The following USP14 variants were observed in gnomAD, a reference collection of about 807,000 sequenced individuals.
The protein encoded by USP14 is ubiquitin specific peptidase 14.
A neutral mutation model predicts 76.5 loss-of-function variants in USP14; 38 were observed. The ratio of observed to expected loss-of-function variants is 0.50; its 90% CI spans 0.38 to 0.65. USP14 has a LOEUF of 0.65. Among genes scored for constraint, USP14 ranks in the 30% least tolerant of loss-of-function variants. The pLI is 0.00. For missense variants in USP14, 467 were observed against 586.5 expected (o/e 0.80, Z 2.10); for synonymous variants, 192 against 191.7 (o/e 1.00, Z -0.01).
At position 171,025 on chromosome 18, in the gene USP14, A is replaced by AAATAT. The variant is rs1327304974; in HGVS notation, c.195+4207_195+4208insATATA. The stretch of plus-strand genomic sequence containing the variant: ...CCTGGAACTTAAAAAAAAAAAAAAA[A>AAATAT]ATATATATATATATATATATATATA... On this transcript the variant is annotated intron_variant, in intron 3 of 15. Coordinates refer to ENST00000261601, the MANE Select transcript of USP14 (RefSeq NM_005151.4). 9.4e-4 allele frequency among the ~76,000 whole-genome samples: 45 copies of AAATAT among 47,634 alleles called. 1 individual carries two copies. The highest frequency in any genetic ancestry group is 2.8e-3 in the African/African-American group (32 of 11,476). The allele number at this position is 47,634 out of a possible 152,430, so 31.2% of individuals were successfully genotyped here. A position where few individuals can be genotyped will look rare whatever the true frequency, so the allele number is the denominator to read the frequency against.
intron 1 of USP14, among the ~76,000 whole-genome samples, chr18:159,518 A>C (rs1176318017): frequency 6.6e-6 from 1 of 152,176 alleles, no homozygotes; most frequent in Non-Finnish European, 1.5e-5. Flanking sequence ...AATTGGCTGT[A>C]GGTGTGTGAT....
At chr18:164,417 G>A (rs983244370) in intron 2 of USP14, among the ~76,000 whole-genome samples, 1 of 149,616 alleles carries the variant, frequency 6.7e-6, no homozygotes, top group Non-Finnish European at 1.5e-5. Flanking sequence ...TTTTTTTTTG[G>A]CCTTTATTGC....
At chr18:173,326 T>C (rs1909526322) in intron 3 of USP14, among the ~76,000 whole-genome samples, 1 of 151,916 alleles carries the variant, frequency 6.6e-6, no homozygotes, top group Non-Finnish European at 1.5e-5. Context: ...TTAGCCAGGA[T>C]GGTCTCTATC....
intron 13 of USP14, among the ~76,000 whole-genome samples, chr18:207,248 A>G (rs374497001): frequency 1.4e-5 from 2 of 145,058 alleles, no homozygotes. Flanking sequence ...ATTGTGAAGT[A>G]TCAGCCTTCA....
chr18:166,797 G>C lies in USP14; in HGVS notation c.173G>C (p.Trp58Ser), dbSNP rs1176491663. 6.2e-7 allele frequency: 1 copy of C among 1,611,924 alleles called. No individual in the cohort carries two copies. The highest frequency in any genetic ancestry group is 8.5e-7 in the Non-Finnish European group (1 of 1,178,612). ...TTGTCTTTGAAACAGGATGATGATT[G>C]GGGAAACATCAAAATAAAAAATGTA... The part of the protein sequence containing the change: ...VKGGTLKDDD[W>S]GNIKIKNGMT... Residue 58 changes from tryptophan to serine, a missense_variant, in exon 3 of 16, where the codon TGG (tryptophan) becomes TCG (serine). Physicochemically the swap from Trp to Ser is radical, Grantham distance 177. Coordinates refer to ENST00000261601, the MANE Select transcript of USP14 (RefSeq NM_005151.4).
intron 13 of USP14, among the ~76,000 whole-genome samples, chr18:208,632 C>T (rs1366636413): frequency 6.6e-6 from 1 of 152,014 alleles, no homozygotes; most frequent in Admixed American, 6.6e-5. Context: ...GAGACTTCCT[C>T]TTTGGCCATT....
intron 5 of USP14, among the ~76,000 whole-genome samples, chr18:189,470 A>G (rs1910026097): frequency 6.6e-6 from 1 of 151,264 alleles, no homozygotes. Context: ...CTTTTAGCTC[A>G]GTTTTGTTTG....
intron 8 of USP14, 70 bp from the exon 9 acceptor site, chr18:197,977 C>T: frequency 7.4e-7 from 1 of 1,351,034 alleles, no homozygotes; most frequent in Non-Finnish European, 1.0e-6. Context: ...TATTACTAAA[C>T]TGGATTGTGT....
At chr18:175,408 G>A (rs1909600193) in intron 3 of USP14, among the ~76,000 whole-genome samples, 1 of 152,126 alleles carries the variant, frequency 6.6e-6, no homozygotes, top group African/African-American at 2.4e-5. Context: ...TCATCATCAG[G>A]TTCAGGAACT....
rs1910709445 is a variant in USP14, at chr18:212,849, T to C, written c.*1565T>C. ...ATAAAGTTTGGGGATTATCATAACA[T>C]CTCATATCTTTGTGTATGTTGTTTT... On this transcript the variant is annotated 3_prime_UTR_variant, in exon 16 of 16. Coordinates refer to ENST00000261601, the MANE Select transcript of USP14 (RefSeq NM_005151.4). 6.6e-6 allele frequency: 1 copy of C among 152,210 alleles called. No homozygotes were observed. Among genetic ancestry groups the C allele is most frequent in the African/African-American group, 2.4e-5 (1 of 41,464 alleles). The allele number at this position is 152,210 out of a possible 1,614,324, so 9.4% of individuals were successfully genotyped here.
chr18:185,644 CT>C lies in USP14; in HGVS notation c.404+5313del, dbSNP rs576216266. 3.6e-3 allele frequency among the ~76,000 whole-genome samples: 540 copies of C among 151,718 alleles called. 1 individual carries two copies. Among genetic ancestry groups the C allele is most frequent in the African/African-American group, 0.012 (504 of 41,392 alleles). On this transcript the variant is annotated intron_variant, in intron 5 of 15. Transcript: ENST00000261601. The stretch of plus-strand genomic sequence containing the variant: ...TTGCTTACACTACTTAAATTATTTT[CT>C]TTTTTTTAGCTTTTTGAGGGCATGT...
chr18:187,341 G>C (rs1034442432), intron 5 of USP14, among the ~76,000 whole-genome samples: 12 of 152,084 alleles, frequency 7.9e-5, no homozygotes, highest in Admixed American at 3.9e-4. Context: ...TAACCATCTG[G>C]TGTGTAGTAA....
At chr18:174,907 C>T (rs1489491552) in intron 3 of USP14, among the ~76,000 whole-genome samples, 1 of 152,112 alleles carries the variant, frequency 6.6e-6, no homozygotes, top group Admixed American at 6.6e-5. Context: ...TCCCGAGTAG[C>T]TGGGACTACA....
chr18:196,557 T>A, intron 6 of USP14, 80 bp from the exon 7 acceptor site: 1 of 1,469,438 alleles, frequency 6.8e-7, no homozygotes, highest in Non-Finnish European at 9.1e-7. Context: ...TTTTTGTTTG[T>A]ATTAATTAAA....
intron 3 of USP14, among the ~76,000 whole-genome samples, chr18:177,371 A>G (rs962964163): frequency 7.3e-5 from 11 of 150,070 alleles, no homozygotes; most frequent in Non-Finnish European, 1.2e-4. Flanking sequence ...ACAGTGACCT[A>G]TAATTGTGCC....
At chr18:177,939 T>C (rs1909672223) in intron 3 of USP14, among the ~76,000 whole-genome samples, 1 of 152,210 alleles carries the variant, frequency 6.6e-6, no homozygotes. Flanking sequence ...TCTAAAAATA[T>C]TTGTATTTAA....
chr18:179,471 A>T lies in USP14; in HGVS notation c.300+434A>T, dbSNP rs562397473. On this transcript the variant is annotated intron_variant, in intron 4 of 15. Transcript: ENST00000261601. ...TTCATGTGGAAAATACATACATTTTATCCTGAATTTAAATGCAAAATCAGT... is the reference window on the plus strand; with the variant it reads ...TTCATGTGGAAAATACATACATTTTTTCCTGAATTTAAATGCAAAATCAGT... 2.0e-3 allele frequency among the ~76,000 whole-genome samples: 311 copies of T among 151,932 alleles called. 1 individual carries two copies. The highest frequency in any genetic ancestry group is 6.8e-3 in the African/African-American group (282 of 41,478).
At chr18:194,226 C>CT (rs1910169101) in intron 6 of USP14, among the ~76,000 whole-genome samples, 3 of 152,130 alleles carry the variant, frequency 2.0e-5, no homozygotes, top group African/African-American at 7.2e-5. Flanking sequence ...TTTACTCTAA[C>CT]TTTTTTTCCT....
intron 13 of USP14, among the ~76,000 whole-genome samples, chr18:205,899 A>G (rs932402822): frequency 3.9e-5 from 6 of 152,156 alleles, no homozygotes; most frequent in Admixed American, 6.5e-5. Context: ...TGCTCCTTCC[A>G]TTTCATTGCT....
Sources: allele counts gnomAD v4.1 joint callset (sites outside exome capture counted in the v4.1 genomes callset), GRCh38; gene constraint gnomAD v4.1.1; transcripts MANE v1.5; gene names NCBI Gene and HGNC (gene_info 2026-07-23, HGNC 2026-07-21).